MGST2: variants seen among roughly 807,000 people sequenced by gnomAD.
MGST2 encodes glutathione peroxidase MGST2.
A neutral mutation model predicts 16.6 loss-of-function variants in MGST2; 9 were observed. The ratio of observed to expected loss-of-function variants is 0.54; its 90% confidence interval spans 0.33 to 0.95. The LOEUF (loss-of-function observed/expected upper bound fraction) is 0.95. Among genes scored for constraint, MGST2 ranks in the 40% least tolerant of loss-of-function variants. The pLI, the probability that MGST2 is intolerant of heterozygous loss-of-function variation, is 0.03. For missense variants in MGST2, 159 were observed against 175.1 expected, an observed-to-expected ratio of 0.91 and a Z score of 0.52; for synonymous variants, 79 against 68.0, an observed-to-expected ratio of 1.16 and a Z score of -0.79.
At chr4:139,734,324 C>T (rs761030002) in intron 5 of MGST2, among the ~76,000 whole-genome samples, 4 of 152,190 alleles carry the variant, frequency 2.6e-5, no homozygotes, top group African/African-American at 9.7e-5. Context: ...TTTCGTCATG[C>T]GAGATGTAAT....
In MGST2 at chr4:139,704,195, A is replaced by G. The variant is rs780600050; in HGVS notation, c.*47A>G. ...CTTGCAGAAGCTGTTCCCACCATGAAGGTAATATGGTATCATTTGTTAAAT... is the reference window on the plus strand; with the variant it reads ...CTTGCAGAAGCTGTTCCCACCATGAGGGTAATATGGTATCATTTGTTAAAT... On this transcript the variant is annotated 3_prime_UTR_variant, in exon 5 of 5. Coordinates refer to ENST00000265498, the MANE Select transcript of MGST2 (RefSeq NM_002413.5). 3.1e-6 allele frequency: 5 copies of G among 1,596,334 alleles called. No individual in the cohort carries two copies. The South Asian group carries it at 5.5e-5, about 18-fold the overall frequency.
At chr4:139,702,987 A>G (rs909461437) in intron 3 of MGST2, among the ~76,000 whole-genome samples, 1 of 151,342 alleles carries the variant, frequency 6.6e-6, no homozygotes, top group Non-Finnish European at 1.5e-5. Flanking sequence ...GTTCAGTGGC[A>G]TGATCTTGGC....
rs767366469 is a variant in MGST2, at chr4:139,702,867, T to TTTTTTTTTTTTC, written c.230-585_230-584insTTTTTTTTCTTT. 4.8e-4 allele frequency among the ~76,000 whole-genome samples: 64 copies of TTTTTTTTTTTTC among 132,444 alleles called. 1 individual carries two copies. Among genetic ancestry groups the TTTTTTTTTTTTC allele is most frequent in the African/African-American group, 1.6e-3 (59 of 37,138 alleles). The allele number at this position is 132,444 out of a possible 152,430, so 86.9% of individuals were successfully genotyped here. Reference sequence around the variant, plus strand: ...TGGTTTTTTTTTTTTTTTTTTTTTTTTTTACAATTTTAGCCATTCTGTTGG... The same window carrying TTTTTTTTTTTTC: ...TGGTTTTTTTTTTTTTTTTTTTTTTTTTTTTTTTTTTCTTTACAATTTTAGCCATTCTGTTGG... On this transcript the variant is annotated intron_variant, in intron 3 of 4. Coordinates refer to ENST00000265498, the MANE Select transcript of MGST2 (RefSeq NM_002413.5).
chr4:139,741,066 C>T (rs1729149509), downstream of MGST2, among the ~76,000 whole-genome samples: 1 of 152,170 alleles, frequency 6.6e-6, no homozygotes, highest in African/African-American at 2.4e-5. Flanking sequence ...GAGGGCTACC[C>T]TTTTCCCCAC....
At chr4:139,752,612 C>G in the MGST2 span, among the ~76,000 whole-genome samples, 2 of 152,118 alleles carry the variant, frequency 1.3e-5, no homozygotes, top group Non-Finnish European at 2.9e-5. Flanking sequence ...AGGCTTGGCA[C>G]AAATACATTC....
intron 3 of MGST2, among the ~76,000 whole-genome samples, chr4:139,703,174 C>G (rs542890869): frequency 7.2e-5 from 11 of 151,904 alleles, no homozygotes; most frequent in East Asian, 1.9e-4. Flanking sequence ...GATTCACCCC[C>G]CCTCGGCCTC....
intron 3 of MGST2, among the ~76,000 whole-genome samples, chr4:139,697,207 T>G (rs1726974877): frequency 6.6e-6 from 1 of 152,164 alleles, no homozygotes; most frequent in South Asian, 2.1e-4. Flanking sequence ...ATTATAAACC[T>G]GACTGCATTT....
At chr4:139,704,708 G>A (rs2110911946), downstream of MGST2, among the ~76,000 whole-genome samples, 1 of 152,288 alleles carries the variant, frequency 6.6e-6, no homozygotes, top group East Asian at 1.9e-4. Flanking sequence ...AGATCACAAG[G>A]TCAGGAGATC....
chr4:139,740,512 A>AT (rs1451022895), exon 6 of MGST2: 1 of 152,156 alleles, frequency 6.6e-6, no homozygotes, highest in African/African-American at 2.4e-5. Context: ...GAGCAGTCTC[A>AT]GCTGTCTTCA....
chr4:139,676,821 T>C (rs1469640063), intron 1 of MGST2, among the ~76,000 whole-genome samples: 2 of 152,214 alleles, frequency 1.3e-5, no homozygotes, highest in Admixed American at 6.5e-5. Flanking sequence ...TTACCCAAGA[T>C]AGATTTCTTT....
At chr4:139,679,998 C>T (rs954037832) in intron 2 of MGST2, among the ~76,000 whole-genome samples, 5 of 152,216 alleles carry the variant, frequency 3.3e-5, no homozygotes, top group African/African-American at 1.2e-4. Flanking sequence ...TACCTCCCCT[C>T]TCCCTCTATC....
At chr4:139,707,200 C>G (rs965631171), downstream of MGST2, among the ~76,000 whole-genome samples, 2 of 151,920 alleles carry the variant, frequency 1.3e-5, no homozygotes, top group African/African-American at 2.4e-5. Context: ...ATACCTCCCC[C>G]CTCTCCCCAC....
the MGST2 span, among the ~76,000 whole-genome samples, chr4:139,746,129 G>A: frequency 7.9e-5 from 12 of 152,158 alleles, no homozygotes; most frequent in East Asian, 2.1e-3. Flanking sequence ...CTCTCAGTTG[G>A]ATTTTTTATT....
chr4:139,703,912 A>G (rs1333660089), intron 4 of MGST2, 104 bp from the exon 5 acceptor site: 1 of 1,451,770 alleles, frequency 6.9e-7, no homozygotes, highest in Admixed American at 1.8e-5. Context: ...GCAAAAATAT[A>G]GAAGTTCTGG....
chr4:139,666,187 T>G, intron 1 of MGST2, 110 bp downstream of exon 1: 1 of 1,175,968 alleles, frequency 8.5e-7, no homozygotes, highest in Non-Finnish European at 1.3e-6. Flanking sequence ...GGTGTTTTGT[T>G]TCCTACTTGC....
chr4:139,703,623 A>C lies in MGST2; in HGVS notation c.311+87A>C, dbSNP rs547240738. On this transcript the variant is annotated intron_variant, in intron 4 of 4. Coordinates refer to ENST00000265498, the MANE Select transcript of MGST2 (RefSeq NM_002413.5). ...TTTCCTTCTCCTGAGAGATATTAAC[A>C]GCACTGTGAGTTGTGGTGGCAAAAG... 4.9e-4 allele frequency: 618 copies of C among 1,251,772 alleles called. 17 individuals are homozygous for C. In the South Asian group the frequency reaches 7.1e-3, roughly 14 times the overall value. The allele number at this position is 1,251,772 out of a possible 1,614,324, so 77.5% of individuals were successfully genotyped here.
Position 139,678,617 on chromosome 4 carries a change from G to C in MGST2, c.133G>C (p.Glu45Gln). Residue 45 changes from glutamate (E) to glutamine (Q), a missense_variant, in exon 2 of 5, where the codon GAG becomes CAG. Glu to Gln is a conservative substitution (Grantham distance 29). Coordinates refer to ENST00000265498, the MANE Select transcript of MGST2 (RefSeq NM_002413.5). ...GCCCCCAGCAGTCACTGGGTCACCAGAGTTTGAGAGAGTATTTCGGGCACA... is the reference window on the plus strand; with the variant it reads ...GCCCCCAGCAGTCACTGGGTCACCACAGTTTGAGAGAGTATTTCGGGCACA... ...VTPPAVTGSP[E>Q]FERVFRAQQN... The C allele has an allele frequency of 1.2e-6, 2 of 1,613,872 alleles. No homozygotes were observed. The highest frequency in any genetic ancestry group is 1.7e-6 in the Non-Finnish European group (2 of 1,179,806).
chr4:139,683,071 G>T (rs1266759377), intron 2 of MGST2, among the ~76,000 whole-genome samples: 4 of 152,124 alleles, frequency 2.6e-5, no homozygotes, highest in Non-Finnish European at 5.9e-5. Context: ...TTTGGAAAGG[G>T]CAGGCAAGCG....
chr4:139,679,494 T>C (rs1307070170), intron 2 of MGST2, among the ~76,000 whole-genome samples: 1 of 152,234 alleles, frequency 6.6e-6, no homozygotes, highest in Non-Finnish European at 1.5e-5. Context: ...TTCAAGGTTG[T>C]GTAGAACTTG....
Sources: allele counts gnomAD v4.1 joint callset (sites outside exome capture counted in the v4.1 genomes callset), GRCh38; gene constraint gnomAD v4.1.1; transcripts MANE v1.5; gene names NCBI Gene and HGNC (gene_info 2026-07-23, HGNC 2026-07-21).